AAGAB: variants seen among roughly 807,000 people sequenced by gnomAD.
The protein encoded by AAGAB is alpha and gamma adaptin binding protein.
In AAGAB, 38 loss-of-function variants were observed where a neutral mutation model predicts 44.1. That is an observed-to-expected ratio of 0.86 (90% confidence interval 0.67 to 1.13). The LOEUF is 1.13. AAGAB is among the 50% of genes most tolerant of loss of function. The probability of loss-of-function intolerance (pLI) is 0.00; values close to 1 mark genes in which losing one functional copy is unlikely to be tolerated. For synonymous variants in AAGAB, 131 were observed against 131.8 expected (o/e 0.99, Z 0.04); for missense variants, 450 against 373.8 (o/e 1.20, Z -1.68).
chr15:67,235,213 T>C (rs1412996823), intron 4 of AAGAB, among the ~76,000 whole-genome samples: 3 of 152,226 alleles, frequency 2.0e-5, no homozygotes, highest in Non-Finnish European at 4.4e-5. Context: ...CAACACGTTC[T>C]CTGCACTTTT....
In AAGAB at chr15:67,242,429, C is replaced by CA. The variant is rs59817309; in HGVS notation, c.74-5610dup. 1.4e-3 allele frequency among the ~76,000 whole-genome samples: 84 copies of CA among 58,748 alleles called. 10 individuals are homozygous for CA. Among genetic ancestry groups the CA allele is most frequent in the African/African-American group, 4.5e-3 (83 of 18,308 alleles). The allele number at this position is 58,748 out of a possible 152,430, so 38.5% of individuals were successfully genotyped here. Reference sequence around the variant, plus strand: ...TGGGCGACAGAGCGAGACTCCGTCTCAAAAAAAAAAAAAAAAAAAAAAAAA... The same window carrying CA: ...TGGGCGACAGAGCGAGACTCCGTCTCAAAAAAAAAAAAAAAAAAAAAAAAAA... On this transcript the variant is annotated intron_variant, in intron 1 of 9. Transcript: ENST00000261880.
Position 67,238,698 on chromosome 15 carries a change from A to ATTT in AAGAB, c.74-1881_74-1879dup, listed in dbSNP as rs35660168. ...GAGCCACCACATAAAATCAGTCTTA[A>ATTT]TTTTTTTTTTTTTTTGAGACGGAGT... On this transcript the variant is annotated intron_variant, in intron 1 of 9. Transcript: ENST00000261880. 4.8e-4 allele frequency among the ~76,000 whole-genome samples: 70 copies of ATTT among 145,554 alleles called. 3 individuals carry two copies. Among genetic ancestry groups the ATTT allele is most frequent in the Admixed American group, 1.2e-3 (17 of 14,544 alleles).
chr15:67,247,324 GCATTATTTGTTGAGTAT>G (rs1567033156), intron 1 of AAGAB, among the ~76,000 whole-genome samples: 2 of 152,178 alleles, frequency 1.3e-5, no homozygotes, highest in Non-Finnish European at 2.9e-5. Flanking sequence ...ATATCAGATT[GCATTATTTGTTGAGTAT>G]CATTATTTGT....
chr15:67,253,641 T>C (rs1834164825), intron 1 of AAGAB, among the ~76,000 whole-genome samples: 1 of 150,474 alleles, frequency 6.6e-6, no homozygotes, highest in East Asian at 2.0e-4. Flanking sequence ...GCAGTCCCAG[T>C]TGCTCGGGAG....
At chr15:67,253,532 T>C (rs777276141) in intron 1 of AAGAB, among the ~76,000 whole-genome samples, 1 of 151,640 alleles carries the variant, frequency 6.6e-6, no homozygotes, top group Non-Finnish European at 1.5e-5. Context: ...GACAGGAGGA[T>C]CACTTGAAAC....
In AAGAB at chr15:67,253,741, A is replaced by T. The variant is rs955323409; in HGVS notation, c.73+818T>A. 2.0e-5 allele frequency among the ~76,000 whole-genome samples: 3 copies of T among 151,616 alleles called. No homozygotes were observed. The South Asian group carries it at 6.3e-4, about 32-fold the overall frequency. On this transcript the variant is annotated intron_variant, in intron 1 of 9. Coordinates refer to ENST00000261880, the MANE Select transcript of AAGAB (RefSeq NM_024666.5). ...TGCACTCCAGCCCGGGCGACAGAGC[A>T]AGTTCCCGTCTCTTTAAAAAAAAAA...
intron 1 of AAGAB, among the ~76,000 whole-genome samples, chr15:67,238,982 A>G (rs1310336676): frequency 1.3e-5 from 2 of 152,238 alleles, no homozygotes; most frequent in African/African-American, 4.8e-5. Flanking sequence ...GGCATGAGCC[A>G]CCATGCCCAC....
chr15:67,249,527 T>C (rs1042444459), intron 1 of AAGAB, among the ~76,000 whole-genome samples: 2 of 152,222 alleles, frequency 1.3e-5, no homozygotes, highest in Non-Finnish European at 2.9e-5. Context: ...TTAATATGTA[T>C]TTAATTTAAT....
chr15:67,209,674 A>G, intron 5 of AAGAB, 130 bp from the exon 6 acceptor site: 1 of 718,166 alleles, frequency 1.4e-6, no homozygotes, highest in East Asian at 2.7e-5. Context: ...TATTTTTGAG[A>G]CAGGGTCTCA....
intron 1 of AAGAB, among the ~76,000 whole-genome samples, chr15:67,247,240 G>C (rs1361358633): frequency 6.6e-6 from 1 of 152,226 alleles, no homozygotes; most frequent in Non-Finnish European, 1.5e-5. Context: ...CTTCATTCTT[G>C]AAGTCAATGA....
intron 1 of AAGAB, among the ~76,000 whole-genome samples, chr15:67,250,620 T>G (rs1421027702): frequency 6.6e-6 from 1 of 152,184 alleles, no homozygotes; most frequent in East Asian, 1.9e-4. Flanking sequence ...AAAGTAAAAC[T>G]TTTGTAAAAT....
At chr15:67,250,640 G>A (rs953013869) in intron 1 of AAGAB, among the ~76,000 whole-genome samples, 3 of 152,180 alleles carry the variant, frequency 2.0e-5, no homozygotes, top group Admixed American at 1.3e-4. Context: ...TATATGTGAG[G>A]TGGAAAGAGC....
chr15:67,249,635 T>C (rs1035103525), intron 1 of AAGAB, among the ~76,000 whole-genome samples: 7 of 152,244 alleles, frequency 4.6e-5, no homozygotes, highest in African/African-American at 1.4e-4. Context: ...AGTGGCAATG[T>C]GAGCATATTT....
At chr15:67,220,666 C>T (rs1964046084) in intron 5 of AAGAB, 1 of 152,182 alleles carries the variant, frequency 6.6e-6, no homozygotes. Flanking sequence ...TTTCATAAAA[C>T]ACAAGAACAT....
chr15:67,223,067 T>C (rs1428797264), intron 5 of AAGAB, among the ~76,000 whole-genome samples: 1 of 152,190 alleles, frequency 6.6e-6, no homozygotes, highest in African/African-American at 2.4e-5. Context: ...CTCCACTATC[T>C]TGGTTTTCCT....
At chr15:67,203,442 A>G (rs1963612839) in intron 9 of AAGAB, 106 bp downstream of exon 9, 1 of 926,310 alleles carries the variant, frequency 1.1e-6, no homozygotes, top group Non-Finnish European at 1.6e-6. Context: ...TTCAATGAAA[A>G]GCTCACACTA....
intron 1 of AAGAB, among the ~76,000 whole-genome samples, chr15:67,241,477 A>T (rs1964598209): frequency 6.6e-6 from 1 of 152,192 alleles, no homozygotes. Flanking sequence ...CTTTCATGGG[A>T]TCCACTCTTC....
At chr15:67,206,723 G>T (rs1276347644) in intron 7 of AAGAB, among the ~76,000 whole-genome samples, 1 of 152,130 alleles carries the variant, frequency 6.6e-6, no homozygotes, top group Non-Finnish European at 1.5e-5. Context: ...CTTTCAGGTT[G>T]GTCCCTATGC....
intron 5 of AAGAB, among the ~76,000 whole-genome samples, chr15:67,223,806 C>T (rs1964138820): frequency 6.6e-6 from 1 of 152,200 alleles, no homozygotes; most frequent in Admixed American, 6.5e-5. Context: ...CCCTTCGTTA[C>T]CTCTCTGACC....
Sources: allele counts gnomAD v4.1 joint callset (sites outside exome capture counted in the v4.1 genomes callset), GRCh38; gene constraint gnomAD v4.1.1; transcripts MANE v1.5; gene names NCBI Gene and HGNC (gene_info 2026-07-23, HGNC 2026-07-21).